The following IDO2 variants were observed in gnomAD, a reference collection of about 807,000 sequenced individuals.
The protein encoded by IDO2 is indoleamine 2,3-dioxygenase-like 1 protein.
In IDO2, 46 loss-of-function variants were observed where a neutral mutation model predicts 45.1. That is an observed-to-expected ratio of 1.02 (90% CI 0.80 to 1.30). IDO2 has a LOEUF of 1.30. IDO2 is among the 50% of genes most tolerant of loss of function. IDO2 has a pLI of 0.00. For synonymous variants in IDO2, 218 were observed against 184.9 expected (o/e 1.18, Z -1.45); for missense variants, 544 against 491.8 (o/e 1.11, Z -1.00).
chr8:40,002,684 G>A (rs561856928), intron 8 of IDO2, among the ~76,000 whole-genome samples: 1 of 152,224 alleles, frequency 6.6e-6, no homozygotes, highest in East Asian at 1.9e-4. Flanking sequence ...GGAGGCTGAG[G>A]CAGGAGAATC....
intron 8 of IDO2, among the ~76,000 whole-genome samples, chr8:40,001,997 G>C (rs996864656): frequency 6.6e-6 from 1 of 151,878 alleles, no homozygotes; most frequent in Non-Finnish European, 1.5e-5. Context: ...TGTTGGCCAG[G>C]CTGGTCTCAA....
intron 3 of IDO2, among the ~76,000 whole-genome samples, chr8:39,978,279 G>A (rs1006889299): frequency 2.0e-5 from 3 of 152,180 alleles, no homozygotes; most frequent in East Asian, 3.9e-4. Flanking sequence ...CTTCGGACCC[G>A]GGAGGGGACC....
chr8:40,013,846 A>G (rs1433556874), intron 10 of IDO2, 133 bp downstream of exon 10: 1 of 658,898 alleles, frequency 1.5e-6, no homozygotes. Context: ...TCAGCCAAGA[A>G]ACTGCATGAC....
intron 2 of IDO2, among the ~76,000 whole-genome samples, chr8:39,955,809 C>G (rs1349461043): frequency 6.6e-6 from 1 of 152,162 alleles, no homozygotes; most frequent in African/African-American, 2.4e-5. Context: ...ATACTGTCCC[C>G]AAACGTTTTC....
chr8:39,988,384 A>G (rs1254879054), intron 7 of IDO2, among the ~76,000 whole-genome samples: 1 of 152,174 alleles, frequency 6.6e-6, no homozygotes, highest in Non-Finnish European at 1.5e-5. Flanking sequence ...GATAGAAGAC[A>G]AAAGACAGTG....
chr8:39,997,197 T>C (rs970071813), intron 8 of IDO2, among the ~76,000 whole-genome samples: 4 of 152,208 alleles, frequency 2.6e-5, no homozygotes, highest in Non-Finnish European at 1.5e-5. Flanking sequence ...GCAGACTTTA[T>C]GAATTAACCC....
At chr8:39,962,717 A>G (rs946611104) in intron 2 of IDO2, among the ~76,000 whole-genome samples, 1 of 152,172 alleles carries the variant, frequency 6.6e-6, no homozygotes, top group Non-Finnish European at 1.5e-5. Flanking sequence ...ACAAACTGAA[A>G]AGGCTAGGCT....
At chr8:39,939,622 C>T (rs57007060) in intron 1 of IDO2, among the ~76,000 whole-genome samples, 94 of 136,732 alleles carry the variant, frequency 6.9e-4, no homozygotes, top group African/African-American at 2.5e-3. Context: ...GCAGTCTTTA[C>T]GTATTTATTT....
intron 8 of IDO2, among the ~76,000 whole-genome samples, chr8:39,992,692 G>A (rs1235120373): frequency 1.3e-5 from 2 of 152,192 alleles, no homozygotes; most frequent in Non-Finnish European, 2.9e-5. Flanking sequence ...TCTTCTGCGT[G>A]ATAAATAGAG....
At chr8:39,951,561 C>A (rs1053674856) in intron 2 of IDO2, among the ~76,000 whole-genome samples, 1 of 152,166 alleles carries the variant, frequency 6.6e-6, no homozygotes, top group Non-Finnish European at 1.5e-5. Flanking sequence ...CCTCAATTTT[C>A]ACATTTACTG....
At chr8:39,977,687 A>AAAACAAAACG (rs1245699468) in intron 3 of IDO2, among the ~76,000 whole-genome samples, 2 of 151,496 alleles carry the variant, frequency 1.3e-5, no homozygotes, top group Non-Finnish European at 2.9e-5. Flanking sequence ...TTTCTAAAAC[A>AAAACAAAACG]AAACAAAACG....
chr8:39,943,089 A>T (rs1194579316), intron 1 of IDO2, among the ~76,000 whole-genome samples: 1 of 151,976 alleles, frequency 6.6e-6, no homozygotes, highest in African/African-American at 2.4e-5. Context: ...AACTCTTGGC[A>T]GGGCGCAGTG....
intron 2 of IDO2, among the ~76,000 whole-genome samples, chr8:39,960,881 C>A (rs1807984154): frequency 6.6e-6 from 1 of 152,320 alleles, no homozygotes; most frequent in Non-Finnish European, 1.5e-5. Context: ...CTCCCGGGTT[C>A]ATGCCATTCT....
chr8:39,957,932 G>A (rs1482217547), intron 2 of IDO2, among the ~76,000 whole-genome samples: 4 of 152,108 alleles, frequency 2.6e-5, no homozygotes, highest in African/African-American at 4.8e-5. Flanking sequence ...TTGAGATGGA[G>A]TCTAGCTCTG....
intron 2 of IDO2, among the ~76,000 whole-genome samples, chr8:39,949,763 G>T (rs1255512931): frequency 6.6e-6 from 1 of 152,086 alleles, no homozygotes; most frequent in South Asian, 2.1e-4. Flanking sequence ...GATCACTATT[G>T]CGACATTTTG....
intron 1 of IDO2, among the ~76,000 whole-genome samples, chr8:39,948,471 A>G (rs1039865489): frequency 1.3e-5 from 2 of 152,186 alleles, no homozygotes; most frequent in African/African-American, 2.4e-5. Context: ...CTTCAACAGA[A>G]TACCTGGAAT....
rs61643070 is a variant in IDO2 at position 39,943,735 on chromosome 8, CAAAA to C, written c.-17-5394_-17-5391del. Among the ~76,000 whole-genome samples the C allele has an allele frequency of 5.7e-3, 510 of 89,182 alleles. 1 individual carries two copies. The highest frequency in any genetic ancestry group is 0.021 in the African/African-American group (488 of 23,322). The allele number at this position is 89,182 out of a possible 152,430, so 58.5% of individuals were successfully genotyped here. A position where few individuals can be genotyped will look rare whatever the true frequency, so the allele number is the denominator to read the frequency against. ...CCTGGGCGACAGCGAGACTCCATCT[CAAAA>C]AAAAAAAAAAAAAAAAAAAGGAAAC... On this transcript the variant is annotated intron_variant, in intron 1 of 10. Coordinates refer to ENST00000502986, the Ensembl canonical transcript of IDO2.
intron 2 of IDO2, among the ~76,000 whole-genome samples, chr8:39,958,317 TCTGCCTCCCAGGTTCAGGCGATTCTCCC>T (rs1318278024): frequency 0.012 from 1,806 of 152,052 alleles, 34 homozygotes; most frequent in African/African-American, 0.04. Context: ...TTCTCCCGCC[TCTGCCTCCCAGGTTCAGGCGATTCTCCC>T]GCCTCAGCCT....
intron 8 of IDO2, chr8:39,998,205 G>T (rs1802079371): frequency 6.5e-6 from 1 of 153,986 alleles, no homozygotes; most frequent in African/African-American, 2.4e-5. Flanking sequence ...TAAAGCTGAT[G>T]AACACACGTA....
Sources: gnomAD v4.1 joint callset for allele counts (sites outside exome capture counted in the v4.1 genomes callset) on GRCh38, gnomAD v4.1.1 for gene constraint, MANE v1.5 for transcripts, NCBI Gene and HGNC (gene_info 2026-07-23, HGNC 2026-07-21) for gene names.